Variants in GRID1 observed in about 807,000 individuals in gnomAD.
GRID1 encodes the protein glutamate receptor ionotropic, delta-1.
In GRID1, 28 loss-of-function variants were observed where a neutral mutation model predicts 98.0. The observed-to-expected ratio is 0.29, with a 90% CI of 0.21 to 0.39. The LOEUF (loss-of-function observed/expected upper bound fraction) is 0.39. GRID1 is among the 10% of genes least tolerant of loss of function. GRID1 has a pLI of 1.00. For missense variants in GRID1, 1,111 were observed against 1,340.5 expected (o/e 0.83, Z 2.67); for synonymous variants, 553 against 538.5 (o/e 1.03, Z -0.37).
At chr10:85,866,099 T>C (rs993590164) in intron 6 of GRID1, among the ~76,000 whole-genome samples, 1 of 150,302 alleles carries the variant, frequency 6.7e-6, no homozygotes, top group African/African-American at 2.4e-5. Context: ...TCTTGTGGCC[T>C]TGTATAAAGA....
chr10:85,865,908 T>TATAC (rs1843210166), intron 6 of GRID1, among the ~76,000 whole-genome samples: 1 of 77,432 alleles, frequency 1.3e-5, no homozygotes, highest in South Asian at 4.5e-4. Flanking sequence ...GTTTTACATA[T>TATAC]ATACATATAT....
chr10:86,324,108 C>G (rs777214243), intron 2 of GRID1, among the ~76,000 whole-genome samples: 2 of 151,792 alleles, frequency 1.3e-5, no homozygotes, highest in African/African-American at 4.8e-5. Context: ...GAACCCAGGA[C>G]GCAGAGATTG....
intron 8 of GRID1, among the ~76,000 whole-genome samples, chr10:85,835,013 A>T (rs1419199448): frequency 6.6e-6 from 1 of 152,202 alleles, no homozygotes; most frequent in Non-Finnish European, 1.5e-5. Flanking sequence ...TATACCATGC[A>T]GACATTAATT....
At chr10:86,181,000 A>G (rs1845647516) in intron 3 of GRID1, among the ~76,000 whole-genome samples, 1 of 152,176 alleles carries the variant, frequency 6.6e-6, no homozygotes. Context: ...GATGCTGGCC[A>G]TGAGGACAGC....
At chr10:86,143,874 G>A (rs1484302800) in intron 3 of GRID1, among the ~76,000 whole-genome samples, 3 of 152,218 alleles carry the variant, frequency 2.0e-5, no homozygotes, top group African/African-American at 7.2e-5. Context: ...TGCAAGGAAT[G>A]CAAGGTGACG....
chr10:85,746,390 C>T (rs745768386), intron 8 of GRID1, among the ~76,000 whole-genome samples: 1 of 152,122 alleles, frequency 6.6e-6, no homozygotes, highest in Admixed American at 6.6e-5. Flanking sequence ...TAACATCATC[C>T]TATGCTCTTC....
intron 2 of GRID1, among the ~76,000 whole-genome samples, chr10:86,311,965 G>A (rs1174051241): frequency 6.6e-6 from 1 of 152,290 alleles, no homozygotes; most frequent in East Asian, 1.9e-4. Flanking sequence ...TCAAACCAGG[G>A]TATCCACCAA....
At chr10:86,025,019 C>T (rs1177293413) in intron 4 of GRID1, among the ~76,000 whole-genome samples, 3 of 152,208 alleles carry the variant, frequency 2.0e-5, no homozygotes. Context: ...CTCCCAACCA[C>T]ACACATGGTT....
At chr10:85,828,018 T>C (rs758985460) in intron 8 of GRID1, among the ~76,000 whole-genome samples, 1 of 152,020 alleles carries the variant, frequency 6.6e-6, no homozygotes, top group Admixed American at 6.6e-5. Flanking sequence ...TACTCTGAAA[T>C]TGACTACACA....
chr10:85,684,199 T>A (rs1480346687), intron 12 of GRID1, among the ~76,000 whole-genome samples: 1 of 152,224 alleles, frequency 6.6e-6, no homozygotes, highest in Admixed American at 6.5e-5. Flanking sequence ...TTTTGGCATT[T>A]AATTGTTACC....
At chr10:85,707,714 A>G (rs1428324770) in intron 12 of GRID1, among the ~76,000 whole-genome samples, 1 of 152,194 alleles carries the variant, frequency 6.6e-6, no homozygotes, top group Non-Finnish European at 1.5e-5. Flanking sequence ...GAACCAACCC[A>G]AATGTCCAAC....
At chr10:86,168,711 G>T (rs111302973) in intron 3 of GRID1, among the ~76,000 whole-genome samples, 69 of 152,324 alleles carry the variant, frequency 4.5e-4, no homozygotes, top group Admixed American at 1.3e-3. Context: ...TTTGCACACA[G>T]AGACACATAG....
intron 5 of GRID1, among the ~76,000 whole-genome samples, chr10:85,891,161 G>T (rs1841195033): frequency 6.6e-6 from 1 of 152,126 alleles, no homozygotes. Flanking sequence ...AGGAAAATGA[G>T]ACCTTATGTT....
At chr10:85,827,271 T>A (rs1842828328) in intron 8 of GRID1, among the ~76,000 whole-genome samples, 1 of 152,146 alleles carries the variant, frequency 6.6e-6, no homozygotes, top group Admixed American at 6.5e-5. Context: ...AGTGGCCATT[T>A]GAAGAAGAAC....
chr10:86,065,320 C>T (rs1009851926), intron 4 of GRID1, among the ~76,000 whole-genome samples: 1 of 152,248 alleles, frequency 6.6e-6, no homozygotes, highest in Non-Finnish European at 1.5e-5. Flanking sequence ...AGCAAGCCCT[C>T]CAGGGGATTA....
At chr10:86,322,966 A>G (rs910551940) in intron 2 of GRID1, among the ~76,000 whole-genome samples, 1 of 151,162 alleles carries the variant, frequency 6.6e-6, no homozygotes, top group Non-Finnish European at 1.5e-5. Flanking sequence ...GTGGTGCCGC[A>G]CACCTGTAAT....
Position 85,613,142 on chromosome 10 carries a change from C to T in GRID1, c.2601+265G>A, listed in dbSNP as rs925882359. Reference sequence around the variant, plus strand: ...CTCTCTGGCGCTGCCCACGCTGTACCTGCTCTATAGATAAATACAGGACTT... The same window carrying T: ...CTCTCTGGCGCTGCCCACGCTGTACTTGCTCTATAGATAAATACAGGACTT... On this transcript the variant is annotated intron_variant, in intron 15 of 15. Coordinates refer to ENST00000327946, the MANE Select transcript of GRID1 (RefSeq NM_017551.3). 1.0e-5 allele frequency: 5 copies of T among 499,714 alleles called. No individual in the cohort carries two copies. In the Admixed American group the frequency reaches 1.9e-4, roughly 19 times the overall value. The allele number at this position is 499,714 out of a possible 1,614,324, so 31.0% of individuals were successfully genotyped here.
intron 12 of GRID1, among the ~76,000 whole-genome samples, chr10:85,667,750 T>C (rs1027575573): frequency 3.9e-5 from 6 of 152,112 alleles, no homozygotes; most frequent in South Asian, 2.1e-4. Flanking sequence ...AAGAAAAACT[T>C]TGTGAGTGAA....
At chr10:86,145,547 TACAC>T (rs201208047) in intron 3 of GRID1, among the ~76,000 whole-genome samples, 2 of 145,598 alleles carry the variant, frequency 1.4e-5, no homozygotes, top group Admixed American at 6.8e-5. Context: ...ATCCTCCACA[TACAC>T]ACACACACAC....
Sources: allele counts gnomAD v4.1 joint callset (sites outside exome capture counted in the v4.1 genomes callset), GRCh38; gene constraint gnomAD v4.1.1; transcripts MANE v1.5; gene names NCBI Gene and HGNC (gene_info 2026-07-23, HGNC 2026-07-21).